SRSF7: variants seen among roughly 807,000 people sequenced by gnomAD.
SRSF7 encodes serine/arginine-rich splicing factor 7.
A neutral mutation model predicts 42.2 loss-of-function variants in SRSF7; 15 were observed. The ratio of observed to expected loss-of-function variants is 0.36; its 90% CI spans 0.24 to 0.55. The LOEUF (loss-of-function observed/expected upper bound fraction) is 0.55, where lower values mean the gene tolerates loss of function less well. Among genes scored for constraint, SRSF7 ranks in the 20% least tolerant of loss-of-function variants. The pLI, the probability that SRSF7 is intolerant of heterozygous loss-of-function variation, is 0.88. For missense variants in SRSF7, 181 were observed against 305.9 expected (o/e 0.59, Z 3.04); for synonymous variants, 138 against 107.9 (o/e 1.28, Z -1.73).
In SRSF7 at chr2:38,749,618, G is replaced by A; in HGVS notation, c.297C>T (p.Pro99=). ...CATAGCATCTATCATTTGGATCAAA[G>A]GGACGTCGGGCAGGTGGTCTATCAA... The part of the protein sequence containing the change: ...SRFDRPPARR[P]FDPNDRCYEC... The change falls in exon 3 of 8, where the codon CCC becomes CCT. Residue 99 remains proline (P), a synonymous_variant. Coordinates refer to ENST00000313117, the MANE Select transcript of SRSF7 (RefSeq NM_001031684.3). The A allele has an allele frequency of 6.2e-7, 1 of 1,608,822 alleles. No individual in the cohort carries two copies. Among genetic ancestry groups the A allele is most frequent in the Non-Finnish European group, 8.5e-7 (1 of 1,178,712 alleles).
Position 38,749,666 on chromosome 2 carries a change from T to C in SRSF7, c.249A>G (p.Thr83=). The change falls in exon 3 of 8, where the codon ACA becomes ACG. Residue 83 remains threonine, a synonymous_variant. Transcript: ENST00000313117. ...CGSRVRVELS[T]GMPRRSRFDR... is the part of the protein sequence containing the mutation. ...CAAAACGTGATCTCCGAGGCATGCCTGTCGATAGTTCAACCCTCACTCGGG... is the reference window on the plus strand; with the variant it reads ...CAAAACGTGATCTCCGAGGCATGCCCGTCGATAGTTCAACCCTCACTCGGG... 1.3e-6 allele frequency: 2 copies of C among 1,585,082 alleles called. No individual in the cohort carries two copies. The highest frequency in any genetic ancestry group is 1.2e-5 in the South Asian group (1 of 85,334).
In SRSF7 at chr2:38,751,324, C is replaced by A; in HGVS notation, c.-68G>T. The A allele has an allele frequency of 1.1e-5, 17 of 1,606,118 alleles. No homozygotes were observed. Among genetic ancestry groups the A allele is most frequent in the South Asian group, 8.8e-5 (8 of 90,920 alleles). ...AGGGCTCGAGTGACGCAAAAGCTGA[C>A]ACACACCTTCACCCGCCAAGAGTCC... On this transcript the variant is annotated 5_prime_UTR_variant, in exon 1 of 8. Coordinates refer to ENST00000313117, the MANE Select transcript of SRSF7 (RefSeq NM_001031684.3).
At chr2:38,750,848 A>T (rs1558614324) in intron 1 of SRSF7, 2 of 279,156 alleles carry the variant, frequency 7.2e-6, no homozygotes, top group Admixed American at 8.8e-5. Context: ...CTGTCCGCTG[A>T]AGTGGCGGGA....
chr2:38,744,593 T>C lies in SRSF7; in HGVS notation c.*540A>G. 1 of 153,472 alleles carries C rather than the reference T, an allele frequency of 6.5e-6. No homozygotes were observed. The highest frequency in any genetic ancestry group is 2.0e-4 in the South Asian group (1 of 4,884). The allele number at this position is 153,472 out of a possible 1,614,324, so 9.5% of individuals were successfully genotyped here. ...GTCCTACTTGCTTCACCACTGATCATACAATACCTACTAACACCAACTTCA... is the reference window on the plus strand; with the variant it reads ...GTCCTACTTGCTTCACCACTGATCACACAATACCTACTAACACCAACTTCA... On this transcript the variant is annotated 3_prime_UTR_variant, in exon 8 of 8. Coordinates refer to ENST00000313117, the MANE Select transcript of SRSF7 (RefSeq NM_001031684.3).
chr2:38,743,979 C>G lies in SRSF7; in HGVS notation c.*1154G>C. On this transcript the variant is annotated 3_prime_UTR_variant, in exon 8 of 8. Coordinates refer to ENST00000313117, the MANE Select transcript of SRSF7 (RefSeq NM_001031684.3). ...ACTCTCAAAAGTAACTGTTACTGCC[C>G]TACTATTCTTAAGATACTTAAAATT... 1 of 152,048 alleles carries G rather than the reference C, an allele frequency of 6.6e-6. No homozygotes were observed. Among genetic ancestry groups the G allele is most frequent in the East Asian group, 1.9e-4 (1 of 5,198 alleles). The allele number at this position is 152,048 out of a possible 1,614,324, so 9.4% of individuals were successfully genotyped here.
At chr2:38,745,603 C>A (rs1667257526) in intron 7 of SRSF7, among the ~76,000 whole-genome samples, 1 of 151,488 alleles carries the variant, frequency 6.6e-6, no homozygotes, top group Non-Finnish European at 1.5e-5. Flanking sequence ...TGCAGTGAGC[C>A]AAGATTGAGC....
At position 38,744,304 on chromosome 2, in the gene SRSF7, A is replaced by C; in HGVS notation, c.*829T>G. 2 of 152,640 alleles carry C rather than the reference A, an allele frequency of 1.3e-5. No homozygotes were observed. Among genetic ancestry groups the C allele is most frequent in the African/African-American group, 2.4e-5 (1 of 41,456 alleles). 9.5% of individuals were successfully genotyped at this position (152,640 alleles called of 1,614,324 possible). A position where few individuals can be genotyped will look rare whatever the true frequency, so the allele number is the denominator to read the frequency against. On this transcript the variant is annotated 3_prime_UTR_variant, in exon 8 of 8. Coordinates refer to ENST00000313117, the MANE Select transcript of SRSF7 (RefSeq NM_001031684.3). ...CTGGAAAATTTTGCAAAGCTGGTTT[A>C]CATGAAGGTGTTTTGTCCCAATTTC... is the stretch of plus-strand genomic sequence containing the variant.
intron 2 of SRSF7, 128 bp from the exon 3 acceptor site, chr2:38,749,833 C>G: frequency 7.8e-7 from 1 of 1,281,418 alleles, no homozygotes; most frequent in Non-Finnish European, 1.0e-6. Flanking sequence ...CTTTGGCGGT[C>G]TTTACCAAGC....
intron 7 of SRSF7, among the ~76,000 whole-genome samples, 176 bp from the exon 8 acceptor site, chr2:38,745,363 G>C (rs1186595144): frequency 1.3e-5 from 2 of 152,066 alleles, no homozygotes; most frequent in East Asian, 1.9e-4. Context: ...TTAAGATTAG[G>C]CTACCCTGGC....
In SRSF7 at chr2:38,751,283, T is replaced by C; in HGVS notation, c.-27A>G. The C allele has an allele frequency of 6.2e-7, 1 of 1,613,950 alleles. No individual in the cohort carries two copies. Among genetic ancestry groups the C allele is most frequent in the Non-Finnish European group, 8.5e-7 (1 of 1,179,862 alleles). On this transcript the variant is annotated 5_prime_UTR_variant, in exon 1 of 8. Transcript: ENST00000313117. ...ATGACAGACCCGCGTGCTCGGCTCTTTAGCAAGCAGCGCCCAGGGCTCGAG... is the reference window on the plus strand; with the variant it reads ...ATGACAGACCCGCGTGCTCGGCTCTCTAGCAAGCAGCGCCCAGGGCTCGAG...
intron 7 of SRSF7, among the ~76,000 whole-genome samples, 168 bp downstream of exon 7, chr2:38,745,970 TAAACTA>T (rs2148477683): frequency 6.6e-6 from 1 of 152,164 alleles, no homozygotes; most frequent in Non-Finnish European, 1.5e-5. Flanking sequence ...AGCAAAAGTA[TAAACTA>T]ATGTTACTGA....
At chr2:38,751,192 C>A (rs770993780) in intron 1 of SRSF7, 37 bp downstream of exon 1, 2 of 1,613,842 alleles carry the variant, frequency 1.2e-6, no homozygotes, top group Non-Finnish European at 1.7e-6. Flanking sequence ...CTCACTACAC[C>A]CACACCAACG....
Position 38,751,228 on chromosome 2 carries a change from C to G in SRSF7, c.28+1G>C. On this transcript the variant is annotated splice_donor_variant, in intron 1 of 7. Transcript: ENST00000313117. LOFTEE classifies it high-confidence loss of function. ...TCCCTCACCGGACTCCAGCTTCTTA[C>G]CTCCTCCGTACCGCCCGTAACGCGA... 1 of 1,614,140 alleles carries G rather than the reference C, an allele frequency of 6.2e-7. No homozygotes were observed. Among genetic ancestry groups the G allele is most frequent in the Non-Finnish European group, 8.5e-7 (1 of 1,179,998 alleles).
At chr2:38,750,512 G>A (rs906219325) in intron 1 of SRSF7, among the ~76,000 whole-genome samples, 11 of 151,632 alleles carry the variant, frequency 7.3e-5, no homozygotes, top group Admixed American at 2.0e-4. Context: ...AGCCCCGGGC[G>A]CACCGGGAGC....
At chr2:38,748,901 G>T in intron 3 of SRSF7, 1 of 1,371,162 alleles carries the variant, frequency 7.3e-7, no homozygotes, top group Non-Finnish European at 9.4e-7. Context: ...AATAAACCTT[G>T]CAAGTTTGCA....
Position 38,746,192 on chromosome 2 carries a change from G to C in SRSF7, c.627-13C>G. On this transcript the variant is annotated splice_polypyrimidine_tract_variant and intron_variant, in intron 6 of 7. Coordinates refer to ENST00000313117, the MANE Select transcript of SRSF7 (RefSeq NM_001031684.3). ...GGACTTTGATCGGCTGTCAAAACAT[G>C]AGAAATTCTATTAAAGAAAGAGTAC... is the stretch of plus-strand genomic sequence containing the variant. 1 of 1,613,890 alleles carries C rather than the reference G, an allele frequency of 6.2e-7. No individual in the cohort carries two copies. The highest frequency in any genetic ancestry group is 1.3e-5 in the African/African-American group (1 of 75,000).
At chr2:38,746,385 T>C (rs1667416194) in intron 6 of SRSF7, among the ~76,000 whole-genome samples, 1 of 152,246 alleles carries the variant, frequency 6.6e-6, no homozygotes, top group African/African-American at 2.4e-5. Context: ...TACATCATGA[T>C]TAATCTTTTA....
At position 38,748,141 on chromosome 2, in the gene SRSF7, G is replaced by T; in HGVS notation, c.478C>A (p.Pro160Thr). ...AGAGAGATAGATCTTGATCGTCGAG[G>T]AGATGCTGACCTTGACCTAAAATAA... ...SRGRRSRSAS[P>T]RRSRSISLRR... The change falls in exon 5 of 8, where the codon CCT (proline) becomes ACT (threonine). Residue 160 changes from proline (P) to threonine (T), a missense_variant. Pro to Thr is a conservative substitution (Grantham distance 38). This residue lies in a region of SRSF7 where 136 missense variants were observed against 147.8 expected (regional missense o/e 0.92). Coordinates refer to ENST00000313117, the MANE Select transcript of SRSF7 (RefSeq NM_001031684.3). 3.1e-6 allele frequency: 5 copies of T among 1,613,464 alleles called. No homozygotes were observed. The African/African-American group carries it at 6.7e-5, about 22-fold the overall frequency.
At position 38,746,133 on chromosome 2, in the gene SRSF7, A is replaced by G. The variant is rs370212197; in HGVS notation, c.662+11T>C. 9 of 1,614,028 alleles carry G rather than the reference A, an allele frequency of 5.6e-6. No homozygotes were observed. The highest frequency in any genetic ancestry group is 4.5e-5 in the East Asian group (2 of 44,878). ...GACAGGCAAGATTTGGCAACAAAAC[A>G]TTTAGCTTACCTTCTTTTTGGAGAT... is the stretch of plus-strand genomic sequence containing the variant. On this transcript the variant is annotated intron_variant, in intron 7 of 7. Coordinates refer to ENST00000313117, the MANE Select transcript of SRSF7 (RefSeq NM_001031684.3).
Sources: allele counts gnomAD v4.1 joint callset (sites outside exome capture counted in the v4.1 genomes callset), GRCh38; gene constraint gnomAD v4.1.1; regional missense constraint gnomAD v4.1.1; transcripts MANE v1.5; gene names NCBI Gene and HGNC (gene_info 2026-07-23, HGNC 2026-07-21).